GGPS1: variants seen among roughly 807,000 people sequenced by gnomAD.
GGPS1 encodes geranylgeranyl pyrophosphate synthase.
In GGPS1, 15 loss-of-function variants were observed where a neutral mutation model predicts 28.1. The ratio of observed to expected loss-of-function variants is 0.53; its 90% CI spans 0.36 to 0.82. The LOEUF (loss-of-function observed/expected upper bound fraction) is 0.82. Among genes scored for constraint, GGPS1 ranks in the 40% least tolerant of loss-of-function variants. The probability of loss-of-function intolerance (pLI) is 0.01; values close to 1 mark genes in which losing one functional copy is unlikely to be tolerated. For missense variants in GGPS1, 284 were observed against 348.3 expected, an observed-to-expected ratio of 0.82 and a Z score of 1.47; for synonymous variants, 138 against 122.4, an observed-to-expected ratio of 1.13 and a Z score of -0.84.
At chr1:235,335,365 C>A in intron 2 of GGPS1, 31 bp downstream of exon 2, 4 of 967,566 alleles carry the variant, frequency 4.1e-6, no homozygotes, top group South Asian at 2.8e-5. Context: ...CATATAGGGT[C>A]ATTTTCATGC....
chr1:235,341,670 C>A, intron 2 of GGPS1, 38 bp from the exon 3 acceptor site: 1 of 1,099,640 alleles, frequency 9.1e-7, no homozygotes, highest in Non-Finnish European at 1.4e-6. Context: ...ATAATTAAAA[C>A]ACTTATCACA....
upstream of GGPS1, chr1:235,328,210 C>T (rs2103332069): frequency 6.9e-6 from 1 of 145,138 alleles, no homozygotes; most frequent in East Asian, 2.1e-4. Flanking sequence ...TCTAGGTTCC[C>T]CCCCTTTCTC....
upstream of GGPS1, chr1:235,328,337 C>G (rs943058460): frequency 1.3e-5 from 2 of 152,284 alleles, no homozygotes; most frequent in Non-Finnish European, 2.9e-5. Flanking sequence ...CCTATTGGTC[C>G]CTGGATACAA....
intron 1 of GGPS1, among the ~76,000 whole-genome samples, chr1:235,334,132 A>G (rs1048530690): frequency 6.6e-6 from 1 of 152,232 alleles, no homozygotes; most frequent in Non-Finnish European, 1.5e-5. Flanking sequence ...TTTAAATCAG[A>G]AATCTCTGAA....
chr1:235,328,197 G>A (rs1316332186), upstream of GGPS1: 1 of 79,100 alleles, frequency 1.3e-5, no homozygotes, highest in African/African-American at 5.2e-5. Context: ...CCCCCCCACC[G>A]ACTCTAGGTT....
At chr1:235,336,191 G>A (rs971855321) in intron 2 of GGPS1, among the ~76,000 whole-genome samples, 1 of 152,166 alleles carries the variant, frequency 6.6e-6, no homozygotes, top group Non-Finnish European at 1.5e-5. Context: ...AAGAGGTTGA[G>A]ACCAGCCTGG....
intron 1 of GGPS1, among the ~76,000 whole-genome samples, chr1:235,331,373 T>C (rs554720450): frequency 3.7e-4 from 56 of 152,336 alleles, no homozygotes; most frequent in Middle Eastern, 6.8e-3. Flanking sequence ...TACACTAGTT[T>C]TGTGCTTTAA....
chr1:235,330,643 T>A (rs1302444007), intron 1 of GGPS1: 1 of 152,224 alleles, frequency 6.6e-6, no homozygotes, highest in African/African-American at 2.4e-5. Flanking sequence ...AAAGGAAATA[T>A]TTTTTAAAGC....
At chr1:235,335,453 C>A in intron 2 of GGPS1, 119 bp downstream of exon 2, 1 of 533,950 alleles carries the variant, frequency 1.9e-6, no homozygotes, top group South Asian at 2.6e-5. Flanking sequence ...TAAGGTGATG[C>A]GTATGAGAAA....
At chr1:235,340,736 A>C (rs1231861917) in intron 2 of GGPS1, among the ~76,000 whole-genome samples, 54 of 54,372 alleles carry the variant, frequency 9.9e-4, no homozygotes, top group Non-Finnish European at 1.9e-3. Context: ...ACTCCGTCTC[A>C]AAAAAAAAAA....
chr1:235,339,919 C>T (rs1389542622), intron 2 of GGPS1, among the ~76,000 whole-genome samples: 1 of 152,078 alleles, frequency 6.6e-6, no homozygotes, highest in Non-Finnish European at 1.5e-5. Context: ...TTTTATCTAT[C>T]ATTCCTTTGT....
chr1:235,329,012 C>T (rs1296080467), intron 1 of GGPS1: 1 of 152,222 alleles, frequency 6.6e-6, no homozygotes, highest in Non-Finnish European at 1.5e-5. Flanking sequence ...CCGTTTCTTC[C>T]CCTCCGGACT....
rs1176439203 is a variant in GGPS1, at chr1:235,344,210, A to G, written c.*1438A>G. On this transcript the variant is annotated 3_prime_UTR_variant, in exon 4 of 4. Transcript: ENST00000282841. ...TTGATTTGTTGACATCCCAAAATGA[A>G]AGTTTTATGTTTCCCTTAGAAACAT... 6.0e-6 allele frequency: 1 copy of G among 166,790 alleles called. No homozygotes were observed. The highest frequency in any genetic ancestry group is 1.5e-5 in the Non-Finnish European group (1 of 68,054). 10.3% of individuals were successfully genotyped at this position (166,790 alleles called of 1,614,324 possible).
chr1:235,342,059 G>A lies in GGPS1; in HGVS notation c.190G>A (p.Asp64Asn). 6.2e-7 allele frequency: 1 copy of A among 1,604,970 alleles called. No homozygotes were observed. The highest frequency in any genetic ancestry group is 8.5e-7 in the Non-Finnish European group (1 of 1,174,794). The change falls in exon 4 of 4, where the codon GAT becomes AAT. Residue 64 changes from aspartate to asparagine, a missense_variant. Transcript: ENST00000282841. The stretch of plus-strand genomic sequence containing the variant: ...GTTGCATAATGCCAGTTTACTCATC[G>A]ATGATATTGAAGACAACTCAAAACT... ...EMLHNASLLI[D>N]DIEDNSKLRR...
rs1343094601 is a variant in GGPS1 at position 235,344,347 on chromosome 1, T to C, written c.*1575T>C. The C allele has an allele frequency of 1.2e-5, 2 of 167,024 alleles. No individual in the cohort carries two copies. The highest frequency in any genetic ancestry group is 2.9e-5 in the Non-Finnish European group (2 of 68,110). 10.3% of individuals were successfully genotyped at this position (167,024 alleles called of 1,614,324 possible). On this transcript the variant is annotated 3_prime_UTR_variant, in exon 4 of 4. Transcript: ENST00000282841. ...TCTTTGAAAAGTTGGGTGCTGTCTTTAGTAACTTTTAAAATAGTTTAAATC... is the reference window on the plus strand; with the variant it reads ...TCTTTGAAAAGTTGGGTGCTGTCTTCAGTAACTTTTAAAATAGTTTAAATC...
chr1:235,334,945 G>A (rs529547495), intron 1 of GGPS1, among the ~76,000 whole-genome samples: 1 of 151,984 alleles, frequency 6.6e-6, no homozygotes, highest in African/African-American at 2.4e-5. Flanking sequence ...GGCTGGTCTC[G>A]AACTCCTGAC....
chr1:235,331,204 G>A (rs1029389145), intron 1 of GGPS1, among the ~76,000 whole-genome samples: 2 of 152,092 alleles, frequency 1.3e-5, no homozygotes, highest in Non-Finnish European at 2.9e-5. Context: ...TAGTCAAGAT[G>A]GATGTAGAAA....
rs1676121878 is a variant in GGPS1 at position 235,343,564 on chromosome 1, GATA to G, written c.*795_*797del. 6.0e-6 allele frequency: 1 copy of G among 166,962 alleles called. No homozygotes were observed. Among genetic ancestry groups the G allele is most frequent in the African/African-American group, 2.4e-5 (1 of 41,542 alleles). 10.3% of individuals were successfully genotyped at this position (166,962 alleles called of 1,614,324 possible). ...AGACTCCGTCTCAAAAAAAAGGGCT[GATA>G]ATGATAAACAGTGAGCACTCCGGTC... is the stretch of plus-strand genomic sequence containing the variant. On this transcript the variant is annotated 3_prime_UTR_variant, in exon 4 of 4. Coordinates refer to ENST00000282841, the MANE Select transcript of GGPS1 (RefSeq NM_004837.4).
Position 235,342,525 on chromosome 1 carries a change from A to G in GGPS1, c.656A>G (p.His219Arg), listed in dbSNP as rs1676081381. The G allele has an allele frequency of 6.2e-7, 1 of 1,613,720 alleles. No homozygotes were observed. The highest frequency in any genetic ancestry group is 1.7e-5 in the Admixed American group (1 of 60,002). Residue 219 changes from histidine to arginine, a missense_variant, in exon 4 of 4, where the codon CAT becomes CGT. Transcript: ENST00000282841. ...TEGKFSFPTI[H>R]AIWSRPESTQ... ...GGAAAGTTCTCATTTCCTACTATTC[A>G]TGCTATTTGGTCAAGGCCTGAAAGC...
Sources: gnomAD v4.1 joint callset for allele counts (sites outside exome capture counted in the v4.1 genomes callset) on GRCh38, gnomAD v4.1.1 for gene constraint, MANE v1.5 for transcripts, NCBI Gene and HGNC (gene_info 2026-07-23, HGNC 2026-07-21) for gene names.